The following FHIT variants were observed in gnomAD, a reference collection of about 807,000 sequenced individuals.
The protein encoded by FHIT is bis(5'-adenosyl)-triphosphatase.
A neutral mutation model predicts 17.9 loss-of-function variants in FHIT; 19 were observed. That is an observed-to-expected ratio of 1.06 (90% CI 0.74 to 1.56). The LOEUF is 1.56. FHIT is among the 40% of genes most tolerant of loss of function. The probability of loss-of-function intolerance (pLI) is 0.00; values close to 1 mark genes in which losing one functional copy is unlikely to be tolerated. For missense variants in FHIT, 248 were observed against 189.2 expected (o/e 1.31, Z -1.82); for synonymous variants, 81 against 69.7 (o/e 1.16, Z -0.81).
chr3:60,066,156 G>A (rs552652692), intron 5 of FHIT, among the ~76,000 whole-genome samples: 53 of 152,134 alleles, frequency 3.5e-4, no homozygotes, highest in African/African-American at 1.3e-3. Context: ...ATAGTACAGG[G>A]TACTCACCAG....
At chr3:60,105,219 C>T (rs544076057) in intron 5 of FHIT, among the ~76,000 whole-genome samples, 2 of 152,278 alleles carry the variant, frequency 1.3e-5, no homozygotes, top group African/African-American at 4.8e-5. Flanking sequence ...CAGGCACTCA[C>T]TGGTTCTGAG....
chr3:60,531,336 T>C (rs1361032829), intron 5 of FHIT, among the ~76,000 whole-genome samples: 3 of 139,534 alleles, frequency 2.2e-5, no homozygotes, highest in African/African-American at 8.0e-5. Flanking sequence ...TGGAGTGCAG[T>C]GGTGCGATCT....
intron 7 of FHIT, among the ~76,000 whole-genome samples, chr3:59,934,724 G>C (rs1463635179): frequency 6.6e-6 from 1 of 152,014 alleles, no homozygotes; most frequent in East Asian, 1.9e-4. Flanking sequence ...TCTTCACATG[G>C]GGGCAGCAAG....
intron 5 of FHIT, among the ~76,000 whole-genome samples, chr3:60,058,138 T>G (rs1321622803): frequency 1.5e-5 from 2 of 129,328 alleles, no homozygotes; most frequent in African/African-American, 2.9e-5. Flanking sequence ...GTGTTTTTTT[T>G]TTTTTTTTTT....
At chr3:60,452,224 A>G (rs1370529781) in intron 5 of FHIT, among the ~76,000 whole-genome samples, 1 of 152,184 alleles carries the variant, frequency 6.6e-6, no homozygotes, top group Non-Finnish European at 1.5e-5. Flanking sequence ...CACACTCAAT[A>G]ATAAAATCAC....
At chr3:60,968,423 T>C (rs1185548561) in intron 3 of FHIT, among the ~76,000 whole-genome samples, 1 of 151,706 alleles carries the variant, frequency 6.6e-6, no homozygotes, top group African/African-American at 2.4e-5. Flanking sequence ...GTAGGACTTT[T>C]TTTTTTTTTT....
intron 4 of FHIT, among the ~76,000 whole-genome samples, chr3:60,744,246 TAAAA>T (rs368982395): frequency 3.2e-5 from 1 of 30,920 alleles, no homozygotes; most frequent in South Asian, 1.3e-3. Context: ...GGAAGTAATG[TAAAA>T]AAAAAAACAA....
At chr3:60,041,393 A>G (rs973022740) in intron 5 of FHIT, among the ~76,000 whole-genome samples, 3 of 152,218 alleles carry the variant, frequency 2.0e-5, no homozygotes, top group Admixed American at 6.5e-5. Context: ...TCAGACAGCA[A>G]TAATTTACAC....
intron 4 of FHIT, among the ~76,000 whole-genome samples, chr3:60,567,539 A>G (rs1338604194): frequency 3.3e-5 from 5 of 151,968 alleles, no homozygotes; most frequent in Non-Finnish European, 4.4e-5. Context: ...TCAGGACATA[A>G]GTATGGGCAA....
chr3:60,799,639 T>C (rs1013955756), intron 4 of FHIT, among the ~76,000 whole-genome samples: 1 of 152,226 alleles, frequency 6.6e-6, no homozygotes, highest in Non-Finnish European at 1.5e-5. Flanking sequence ...CATGCAATCA[T>C]CTGGCTACAG....
chr3:60,743,054 G>C (rs550813640), intron 4 of FHIT, among the ~76,000 whole-genome samples: 3 of 152,286 alleles, frequency 2.0e-5, no homozygotes, highest in African/African-American at 7.2e-5. Context: ...CCTCTGGCGG[G>C]AATCAGCAGA....
intron 3 of FHIT, among the ~76,000 whole-genome samples, chr3:61,041,334 G>A (rs552051753): frequency 2.6e-5 from 4 of 151,366 alleles, no homozygotes; most frequent in East Asian, 1.9e-4. Flanking sequence ...CTGAGATCAC[G>A]CCACTGCACT....
chr3:59,905,556 T>G (rs1035468596), intron 8 of FHIT, among the ~76,000 whole-genome samples: 2 of 152,198 alleles, frequency 1.3e-5, no homozygotes, highest in Admixed American at 1.3e-4. Flanking sequence ...AAAATTTAAT[T>G]AAATATGAAC....
chr3:60,994,989 A>G (rs2030547541), intron 3 of FHIT, among the ~76,000 whole-genome samples: 1 of 152,212 alleles, frequency 6.6e-6, no homozygotes, highest in Admixed American at 6.5e-5. Context: ...GTTTAATTTA[A>G]AAAGCACTCA....
At chr3:60,589,993 C>T (rs1295013504) in intron 4 of FHIT, among the ~76,000 whole-genome samples, 1 of 152,058 alleles carries the variant, frequency 6.6e-6, no homozygotes, top group African/African-American at 2.4e-5. Flanking sequence ...CCTGCTAACA[C>T]AGGTGAACAG....
At chr3:60,610,852 G>A (rs894524654) in intron 4 of FHIT, among the ~76,000 whole-genome samples, 3 of 152,098 alleles carry the variant, frequency 2.0e-5, no homozygotes, top group African/African-American at 7.2e-5. Flanking sequence ...TTTTCTCTTG[G>A]GAGGAGGCAT....
intron 8 of FHIT, among the ~76,000 whole-genome samples, chr3:59,917,765 G>A (rs1466488834): frequency 6.6e-6 from 1 of 152,130 alleles, no homozygotes; most frequent in African/African-American, 2.4e-5. Flanking sequence ...TACTGCTGGA[G>A]GAACAGAAGG....
intron 4 of FHIT, among the ~76,000 whole-genome samples, chr3:60,772,000 A>G (rs1700059143): frequency 6.6e-6 from 1 of 152,208 alleles, no homozygotes; most frequent in Non-Finnish European, 1.5e-5. Context: ...TAGCACTGGC[A>G]CTGCTGACAG....
chr3:60,719,854 C>G (rs2041770067), intron 4 of FHIT, among the ~76,000 whole-genome samples: 6 of 152,160 alleles, frequency 3.9e-5, no homozygotes, highest in Admixed American at 3.3e-4. Context: ...CTGTCTCTTT[C>G]CCTTCATTAC....
Sources: allele counts gnomAD v4.1 joint callset (sites outside exome capture counted in the v4.1 genomes callset), GRCh38; gene constraint gnomAD v4.1.1; transcripts MANE v1.5; gene names NCBI Gene and HGNC (gene_info 2026-07-23, HGNC 2026-07-21).